Variants in ZSWIM6 observed in about 807,000 individuals in gnomAD.
The protein encoded by ZSWIM6 is zinc finger SWIM-type containing 6.
In ZSWIM6, 9 loss-of-function variants were observed where a neutral mutation model predicts 113.2. That is an observed-to-expected ratio of 0.08 (90% CI 0.05 to 0.14). The LOEUF is 0.14. Among genes scored for constraint, ZSWIM6 ranks in the 10% least tolerant of loss-of-function variants. The probability of loss-of-function intolerance (pLI) is 1.00; values close to 1 mark genes in which losing one functional copy is unlikely to be tolerated. For missense variants in ZSWIM6, 1,162 were observed against 1,552.2 expected, an observed-to-expected ratio of 0.75 and a Z score of 4.22; for synonymous variants, 611 against 606.5, an observed-to-expected ratio of 1.01 and a Z score of -0.11.
intron 1 of ZSWIM6, among the ~76,000 whole-genome samples, chr5:61,334,119 A>G (rs1744334216): frequency 6.6e-6 from 1 of 152,242 alleles, no homozygotes. Flanking sequence ...GACAAAGGCG[A>G]GAGAAGGACT....
intron 1 of ZSWIM6, among the ~76,000 whole-genome samples, chr5:61,454,482 C>T (rs756403362): frequency 5.9e-5 from 9 of 151,560 alleles, no homozygotes; most frequent in Non-Finnish European, 8.8e-5. Context: ...TCTTGAACTC[C>T]TGGGCTCAGG....
rs1251815072 is a variant in ZSWIM6 at position 61,332,958 on chromosome 5, G to T, written c.676+10G>T. 7.7e-7 allele frequency: 1 copy of T among 1,307,014 alleles called. No homozygotes were observed. The allele number at this position is 1,307,014 out of a possible 1,614,324, so 81.0% of individuals were successfully genotyped here. A position where few individuals can be genotyped will look rare whatever the true frequency, so the allele number is the denominator to read the frequency against. On this transcript the variant is annotated intron_variant, in intron 1 of 13. Transcript: ENST00000252744. ...AACGTCCTGCAAGTCGGTGAGTCAC[G>T]GGGCAGCCGCGAGCCGTCTGTCCGT... is the stretch of plus-strand genomic sequence containing the variant.
At chr5:61,413,370 G>A (rs1325045561) in intron 1 of ZSWIM6, among the ~76,000 whole-genome samples, 1 of 151,806 alleles carries the variant, frequency 6.6e-6, no homozygotes, top group East Asian at 1.9e-4. Context: ...TTTTATGGCT[G>A]CATAGTATTC....
chr5:61,445,610 G>A (rs1746934088), intron 1 of ZSWIM6, among the ~76,000 whole-genome samples: 1 of 152,112 alleles, frequency 6.6e-6, no homozygotes, highest in South Asian at 2.1e-4. Flanking sequence ...AAGTTTGAAA[G>A]CAAATGACAA....
rs547791091 is a variant in ZSWIM6, at chr5:61,364,165, C to T, written c.676+31217C>T. 3.9e-5 allele frequency among the ~76,000 whole-genome samples: 6 copies of T among 152,202 alleles called. No individual in the cohort carries two copies. The East Asian group carries it at 9.7e-4, about 24-fold the overall frequency. The stretch of plus-strand genomic sequence containing the variant: ...GCTCAAGCAATCCTCCCACCTCCGC[C>T]TCCTGAGTAGCTGGGACTACAGGCA... On this transcript the variant is annotated intron_variant, in intron 1 of 13. Coordinates refer to ENST00000252744, the MANE Select transcript of ZSWIM6 (RefSeq NM_020928.2).
At chr5:61,403,229 A>T (rs892534818) in intron 1 of ZSWIM6, among the ~76,000 whole-genome samples, 8 of 152,196 alleles carry the variant, frequency 5.3e-5, no homozygotes, top group African/African-American at 1.4e-4. Flanking sequence ...GATTTATTTT[A>T]AAAATCCTCC....
At chr5:61,387,826 G>T (rs2112088164) in intron 1 of ZSWIM6, among the ~76,000 whole-genome samples, 1 of 151,662 alleles carries the variant, frequency 6.6e-6, no homozygotes, top group South Asian at 2.1e-4. Flanking sequence ...CAGGAGAATT[G>T]CTTGAACCCA....
chr5:61,385,102 A>ATTT (rs1745567454), intron 1 of ZSWIM6, among the ~76,000 whole-genome samples: 1 of 152,170 alleles, frequency 6.6e-6, no homozygotes, highest in Non-Finnish European at 1.5e-5. Context: ...CTGGGGTTTG[A>ATTT]CTAAGTGGTC....
At chr5:61,334,577 G>T (rs1744349826) in intron 1 of ZSWIM6, among the ~76,000 whole-genome samples, 1 of 152,068 alleles carries the variant, frequency 6.6e-6, no homozygotes, top group Admixed American at 6.6e-5. Flanking sequence ...ATCCTGTCTG[G>T]TTAATTTGAA....
chr5:61,416,133 G>A (rs956354035), intron 1 of ZSWIM6, among the ~76,000 whole-genome samples: 6 of 152,214 alleles, frequency 3.9e-5, no homozygotes, highest in Non-Finnish European at 8.8e-5. Flanking sequence ...TTTGTGGAAC[G>A]AATGGCATTC....
intron 1 of ZSWIM6, among the ~76,000 whole-genome samples, chr5:61,417,003 G>A (rs950974521): frequency 1.6e-4 from 25 of 152,276 alleles, no homozygotes; most frequent in African/African-American, 4.8e-4. Flanking sequence ...TTAGCCAGGC[G>A]TAGTGGCACA....
intron 1 of ZSWIM6, among the ~76,000 whole-genome samples, chr5:61,457,042 C>T (rs908788667): frequency 2.0e-5 from 3 of 151,856 alleles, no homozygotes; most frequent in African/African-American, 7.3e-5. Context: ...TCTCCCAATG[C>T]TATCCCTCCC....
At chr5:61,343,317 A>G (rs2112029555) in intron 1 of ZSWIM6, among the ~76,000 whole-genome samples, 1 of 152,328 alleles carries the variant, frequency 6.6e-6, no homozygotes, top group East Asian at 1.9e-4. Flanking sequence ...CTGGTTCCCT[A>G]TTCCTGCCTT....
At chr5:61,397,390 C>T (rs1307261214) in intron 1 of ZSWIM6, among the ~76,000 whole-genome samples, 1 of 152,164 alleles carries the variant, frequency 6.6e-6, no homozygotes, top group African/African-American at 2.4e-5. Context: ...GAAGTGCCCC[C>T]AGGGGGTGGC....
chr5:61,452,458 C>A (rs1196355819), intron 1 of ZSWIM6, among the ~76,000 whole-genome samples: 1 of 152,100 alleles, frequency 6.6e-6, no homozygotes, highest in Non-Finnish European at 1.5e-5. Context: ...TGAAAAAATT[C>A]TCTTAATCAT....
chr5:61,334,249 A>G (rs1744338371), intron 1 of ZSWIM6, among the ~76,000 whole-genome samples: 1 of 152,156 alleles, frequency 6.6e-6, no homozygotes, highest in Non-Finnish European at 1.5e-5. Flanking sequence ...TCCCCTGTCC[A>G]GATCTTTTTC....
chr5:61,424,589 A>G (rs1257478310), intron 1 of ZSWIM6, among the ~76,000 whole-genome samples: 1 of 152,198 alleles, frequency 6.6e-6, no homozygotes, highest in East Asian at 1.9e-4. Flanking sequence ...CGAACCTCGA[A>G]GAGCAAGCTT....
chr5:61,433,097 C>A (rs1487971977), intron 1 of ZSWIM6, among the ~76,000 whole-genome samples: 3 of 152,026 alleles, frequency 2.0e-5, no homozygotes, highest in South Asian at 4.2e-4. Flanking sequence ...GGAAAATATT[C>A]TCCATTATGT....
intron 1 of ZSWIM6, among the ~76,000 whole-genome samples, chr5:61,356,725 A>G (rs1281393135): frequency 1.4e-5 from 1 of 69,274 alleles, no homozygotes; most frequent in African/African-American, 5.5e-5. Flanking sequence ...ATATAACATA[A>G]TATATAATAT....
Sources: allele counts gnomAD v4.1 joint callset (sites outside exome capture counted in the v4.1 genomes callset), GRCh38; gene constraint gnomAD v4.1.1; transcripts MANE v1.5; gene names NCBI Gene and HGNC (gene_info 2026-07-23, HGNC 2026-07-21).